The following ESRRB variants were observed in gnomAD, a reference collection of about 807,000 sequenced individuals.
ESRRB encodes estrogen related receptor beta.
ESRRB carries 16 observed loss-of-function variants against 46.0 expected under a neutral mutation model. The ratio of observed to expected loss-of-function variants is 0.35; its 90% CI spans 0.24 to 0.53. The LOEUF is 0.53. Among genes scored for constraint, ESRRB ranks in the 20% least tolerant of loss-of-function variants. The probability of loss-of-function intolerance (pLI) is 0.93; values close to 1 mark genes in which losing one functional copy is unlikely to be tolerated. For synonymous variants in ESRRB, 246 were observed against 259.6 expected, an observed-to-expected ratio of 0.95 and a Z score of 0.50; for missense variants, 488 against 607.4, an observed-to-expected ratio of 0.80 and a Z score of 2.07.
chr14:76,482,626 G>A lies in ESRRB; in HGVS notation c.717G>A (p.Val239=). The A allele has an allele frequency of 6.2e-7, 1 of 1,614,128 alleles. No individual in the cohort carries two copies. Among genetic ancestry groups the A allele is most frequent in the East Asian group, 2.2e-5 (1 of 44,868 alleles). The stretch of plus-strand genomic sequence containing the variant: ...CCAAGATTGTCTCATACCTACTGGT[G>A]GCTGAGCCGGACAAGCTCTATGCCA... ...PLTKIVSYLL[V]AEPDKLYAMP... Residue 239 remains valine, a synonymous_variant, in exon 5 of 7, where the codon GTG becomes GTA. Coordinates refer to ENST00000644823, the MANE Select transcript of ESRRB (RefSeq NM_001379180.1). The surrounding 1 kb of genome is among the most constrained non-coding windows in gnomAD (Gnocchi z 4.3).
At chr14:76,322,208 G>GTCC (rs1883875638) in intron 1 of ESRRB, among the ~76,000 whole-genome samples, 1 of 152,190 alleles carries the variant, frequency 6.6e-6, no homozygotes, top group African/African-American at 2.4e-5. Flanking sequence ...AAGTCCCTGT[G>GTCC]TCCTTGTAAA....
chr14:76,462,867 T>G (rs1888931415), intron 3 of ESRRB, among the ~76,000 whole-genome samples: 1 of 152,138 alleles, frequency 6.6e-6, no homozygotes, highest in African/African-American at 2.4e-5. Context: ...AATTTCTTCA[T>G]TAAGGATCCT....
Position 76,321,897 on chromosome 14 carries a change from A to AT in ESRRB, c.2+10981_2+10982insT, listed in dbSNP as rs1234589094. Reference sequence around the variant, plus strand: ...GCGGGACTCCGTCTCAAAAAAAAAAAAAATATATTCTTCCCATTATACAAA... The same window carrying AT: ...GCGGGACTCCGTCTCAAAAAAAAAAATAAATATATTCTTCCCATTATACAAA... On this transcript the variant is annotated intron_variant, in intron 1 of 6. Coordinates refer to the ESRRB transcript ENST00000512784. 8.6e-5 allele frequency among the ~76,000 whole-genome samples: 13 copies of AT among 151,804 alleles called. No homozygotes were observed. The South Asian group carries it at 1.9e-3, about 22-fold the overall frequency.
At chr14:76,469,183 T>C (rs1299598776) in intron 3 of ESRRB, among the ~76,000 whole-genome samples, 2 of 152,140 alleles carry the variant, frequency 1.3e-5, no homozygotes, top group Non-Finnish European at 2.9e-5. Flanking sequence ...AACCTCTGCC[T>C]CCCAGGTTCA....
chr14:76,355,809 CTCA>C (rs1884372400), intron 1 of ESRRB, among the ~76,000 whole-genome samples: 1 of 152,160 alleles, frequency 6.6e-6, no homozygotes, highest in Non-Finnish European at 1.5e-5. Context: ...CCCCATCTTC[CTCA>C]TCAACACTTT....
rs544194539 is a variant in ESRRB, at chr14:76,388,931, G to T, written c.50+12480G>T. ...CTGAGTCTCAGTGCCCTACCTTGGT[G>T]CCCGTCTTGGATTCCCGCAGGCACC... On this transcript the variant is annotated intron_variant, in intron 1 of 6. Transcript: ENST00000644823. Among the ~76,000 whole-genome samples the T allele has an allele frequency of 4.6e-5, 7 of 152,168 alleles. No homozygotes were observed. The South Asian group carries it at 1.5e-3, about 32-fold the overall frequency.
intron 1 of ESRRB, among the ~76,000 whole-genome samples, chr14:76,409,027 G>A (rs967635505): frequency 2.6e-5 from 4 of 152,196 alleles, no homozygotes; most frequent in Non-Finnish European, 5.9e-5. Flanking sequence ...GGCAGAGTCA[G>A]GTGTTAATCC....
Position 76,350,685 on chromosome 14 carries a change from C to T in ESRRB, c.2+39769C>T, listed in dbSNP as rs538326672. Among the ~76,000 whole-genome samples the T allele has an allele frequency of 9.2e-5, 14 of 152,346 alleles. No individual in the cohort carries two copies. The South Asian group carries it at 2.9e-3, about 32-fold the overall frequency. ...TCTGATGAGCCAGGTACAATGACAG[C>T]TGTATCGAGGCACTTTAGGGGGTGA... On this transcript the variant is annotated intron_variant, in intron 1 of 6. Transcript: ENST00000512784.
intron 2 of ESRRB, among the ~76,000 whole-genome samples, chr14:76,457,103 A>T (rs59043805): frequency 6.6e-6 from 1 of 151,902 alleles, no homozygotes; most frequent in African/African-American, 2.4e-5. Flanking sequence ...GATGGGGATG[A>T]CCCTGGGATT....
rs752675221 is a variant in ESRRB, at chr14:76,499,960, A to T, written c.*1502A>T. ...CAATCAGCTGCCTTCACAAGCAGGG[A>T]TCAGAGCAACTCCCCGGGGATCCCC... is the stretch of plus-strand genomic sequence containing the variant. On this transcript the variant is annotated 3_prime_UTR_variant, in exon 7 of 7. Coordinates refer to ENST00000644823, the MANE Select transcript of ESRRB (RefSeq NM_001379180.1). 5.6e-6 allele frequency: 9 copies of T among 1,610,828 alleles called. No individual in the cohort carries two copies. Among genetic ancestry groups the T allele is most frequent in the Non-Finnish European group, 4.2e-6 (5 of 1,178,578 alleles).
chr14:76,480,065 G>A (rs999377166), intron 3 of ESRRB, among the ~76,000 whole-genome samples: 35 of 152,114 alleles, frequency 2.3e-4, no homozygotes, highest in Admixed American at 1.3e-4. Context: ...ATGGGGTTTC[G>A]CCATGGTAGC....
At position 76,447,217 on chromosome 14, in the gene ESRRB, G is replaced by A. The variant is rs556889438; in HGVS notation, c.460+7467G>A. The stretch of plus-strand genomic sequence containing the variant: ...TCTCGGCTATTACCTCCTCTCCTTT[G>A]TCTTCCCTTGCTCATTTTCTAAAGT... On this transcript the variant is annotated intron_variant, in intron 2 of 6. Coordinates refer to ENST00000644823, the MANE Select transcript of ESRRB (RefSeq NM_001379180.1). Among the ~76,000 whole-genome samples the A allele has an allele frequency of 5.2e-4, 78 of 150,344 alleles. 2 individuals carry two copies. In the South Asian group the frequency reaches 0.016, roughly 31 times the overall value.
chr14:76,329,821 G>C (rs202246875), intron 1 of ESRRB, among the ~76,000 whole-genome samples: 1 of 152,194 alleles, frequency 6.6e-6, no homozygotes, highest in Non-Finnish European at 1.5e-5. Context: ...AGCACAAAGC[G>C]GCCCCAAAAG....
chr14:76,492,256 T>C (rs559243146), intron 6 of ESRRB, among the ~76,000 whole-genome samples: 69 of 152,346 alleles, frequency 4.5e-4, no homozygotes, highest in African/African-American at 1.6e-3. Flanking sequence ...CTCAAACTTT[T>C]GGGCTCAAGC....
intron 2 of ESRRB, among the ~76,000 whole-genome samples, chr14:76,462,098 A>G (rs1275601459): frequency 6.6e-6 from 1 of 152,168 alleles, no homozygotes; most frequent in East Asian, 1.9e-4. Context: ...ATCCTGGTGG[A>G]CGCAGAGTTT....
intron 1 of ESRRB, among the ~76,000 whole-genome samples, chr14:76,329,988 G>A (rs960448338): frequency 1.3e-5 from 2 of 150,608 alleles, no homozygotes; most frequent in African/African-American, 4.9e-5. Flanking sequence ...GAGGGGAAGA[G>A]GGAAGGGATG....
At chr14:76,312,391 A>G (rs1157006516) in intron 1 of ESRRB, among the ~76,000 whole-genome samples, 1 of 152,066 alleles carries the variant, frequency 6.6e-6, no homozygotes, top group Non-Finnish European at 1.5e-5. Context: ...TATTTTGTTT[A>G]GGGTTATTAA....
At chr14:76,349,138 A>G (rs1360759597) in intron 1 of ESRRB, among the ~76,000 whole-genome samples, 1 of 152,220 alleles carries the variant, frequency 6.6e-6, no homozygotes, top group Non-Finnish European at 1.5e-5. Context: ...TGAGTGAGTC[A>G]GCGCATCCGG....
intron 1 of ESRRB, among the ~76,000 whole-genome samples, chr14:76,412,852 A>G (rs956149226): frequency 1.3e-5 from 2 of 152,206 alleles, no homozygotes; most frequent in African/African-American, 2.4e-5. Flanking sequence ...GCAGTGGCTC[A>G]GGCCTCTAAT....
Sources: allele counts gnomAD v4.1 joint callset (sites outside exome capture counted in the v4.1 genomes callset), GRCh38; gene constraint gnomAD v4.1.1; non-coding constraint Gnocchi (gnomAD v3.1); transcripts MANE v1.5; gene names NCBI Gene and HGNC (gene_info 2026-07-23, HGNC 2026-07-21).